The following CCDC138 variants were observed in gnomAD, a reference collection of about 807,000 sequenced individuals.
CCDC138 encodes coiled-coil domain-containing protein 138.
CCDC138 carries 66 observed loss-of-function variants against 82.3 expected under a neutral mutation model. That is an observed-to-expected ratio of 0.80 (90% CI 0.66 to 0.98). The LOEUF (loss-of-function observed/expected upper bound fraction) is 0.98, where lower values mean the gene tolerates loss of function less well. Among genes scored for constraint, CCDC138 ranks in the 50% least tolerant of loss-of-function variants. The pLI is 0.00. For missense variants in CCDC138, 816 were observed against 758.9 expected, an observed-to-expected ratio of 1.08 and a Z score of -0.88; for synonymous variants, 297 against 265.4, an observed-to-expected ratio of 1.12 and a Z score of -1.16.
At chr2:108,793,305 C>T (rs1460474433) in intron 4 of CCDC138, among the ~76,000 whole-genome samples, 1 of 151,370 alleles carries the variant, frequency 6.6e-6, no homozygotes, top group African/African-American at 2.4e-5. Context: ...TGCACTCCAG[C>T]CTGGGCGACA....
intron 11 of CCDC138, among the ~76,000 whole-genome samples, chr2:108,844,028 A>T (rs1690029791): frequency 6.8e-6 from 1 of 147,716 alleles, no homozygotes. Context: ...TACCTGGTTA[A>T]TTTTTTTTTG....
intron 7 of CCDC138, among the ~76,000 whole-genome samples, chr2:108,806,886 T>C (rs1454512618): frequency 6.6e-6 from 1 of 152,208 alleles, no homozygotes; most frequent in African/African-American, 2.4e-5. Flanking sequence ...CATAGGGAGA[T>C]AGTCCCAGTG....
intron 11 of CCDC138, among the ~76,000 whole-genome samples, chr2:108,842,184 C>T (rs1020030348): frequency 6.9e-6 from 1 of 145,574 alleles, no homozygotes. Context: ...TTCGCCACCA[C>T]ACCTGGCTAA....
intron 7 of CCDC138, among the ~76,000 whole-genome samples, chr2:108,807,584 C>T (rs1214477426): frequency 6.6e-6 from 1 of 152,082 alleles, no homozygotes; most frequent in Non-Finnish European, 1.5e-5. Flanking sequence ...TGCTATAAAG[C>T]TAGAACTTAT....
At chr2:108,852,923 A>G (rs1304052270) in intron 12 of CCDC138, among the ~76,000 whole-genome samples, 4 of 152,202 alleles carry the variant, frequency 2.6e-5, no homozygotes, top group African/African-American at 9.6e-5. Flanking sequence ...CCATTACAGA[A>G]GTAAAATGAG....
In CCDC138 at chr2:108,815,941, G is replaced by C; in HGVS notation, c.1042G>C (p.Val348Leu). Residue 348 changes from valine to leucine, a missense_variant and splice_region_variant, in exon 10 of 15, where the codon GTA becomes CTA. Coordinates refer to ENST00000295124, the MANE Select transcript of CCDC138 (RefSeq NM_144978.3). ...EKAPVSKTYK[V>L]PLNGQVYELL... ...AAATGATTTAATTTTTGACATATAGGTACCACTTAATGGGCAAGTTTATGA... is the reference window on the plus strand; with the variant it reads ...AAATGATTTAATTTTTGACATATAGCTACCACTTAATGGGCAAGTTTATGA... 6.2e-7 allele frequency: 1 copy of C among 1,602,954 alleles called. No individual in the cohort carries two copies.
intron 12 of CCDC138, among the ~76,000 whole-genome samples, chr2:108,855,682 C>T (rs914439843): frequency 1.1e-4 from 17 of 152,152 alleles, no homozygotes; most frequent in Non-Finnish European, 4.4e-5. Context: ...GATCCAGAGG[C>T]ACAGATCTTA....
intron 12 of CCDC138, among the ~76,000 whole-genome samples, chr2:108,853,386 CAA>C (rs931058793): frequency 7.9e-5 from 12 of 152,126 alleles, no homozygotes; most frequent in African/African-American, 2.9e-4. Context: ...ATGTCATTAA[CAA>C]TAAGTATGGA....
intron 12 of CCDC138, among the ~76,000 whole-genome samples, chr2:108,854,009 TA>T (rs1692134975): frequency 1.0e-5 from 1 of 98,694 alleles, no homozygotes; most frequent in Non-Finnish European, 2.0e-5. Context: ...ATATTATATA[TA>T]ATATATAATA....
At chr2:108,866,786 G>A (rs949498491) in intron 13 of CCDC138, among the ~76,000 whole-genome samples, 3 of 152,028 alleles carry the variant, frequency 2.0e-5, no homozygotes, top group African/African-American at 4.8e-5. Context: ...GGGAGACTGA[G>A]GCAGGAGAAT....
At position 108,788,862 on chromosome 2, in the gene CCDC138, T is replaced by A. The variant is rs778191021; in HGVS notation, c.162T>A (p.Asp54Glu). 7.6e-5 allele frequency: 123 copies of A among 1,614,008 alleles called. 1 individual carries two copies. Among genetic ancestry groups the A allele is most frequent in the Admixed American group, 2.2e-4 (13 of 60,010 alleles). The stretch of plus-strand genomic sequence containing the variant: ...CTTTGTCGTTGACAGGTGATTTGGA[T>A]ATCTACTCTGGAGATAAAGTTGGTT... ...RRTLTSPGDL[D>E]IYSGDKVGSS... Residue 54 changes from aspartate (D) to glutamate (E), a missense_variant, in exon 3 of 15, where the codon GAT becomes GAA. Transcript: ENST00000295124.
chr2:108,803,259 A>G (rs940075756), intron 6 of CCDC138, among the ~76,000 whole-genome samples: 4 of 152,108 alleles, frequency 2.6e-5, no homozygotes, highest in African/African-American at 7.2e-5. Flanking sequence ...GTTGAGCCCA[A>G]TTTGTACAGG....
intron 12 of CCDC138, among the ~76,000 whole-genome samples, chr2:108,851,927 A>G (rs1691578211): frequency 6.6e-6 from 1 of 152,206 alleles, no homozygotes; most frequent in Non-Finnish European, 1.5e-5. Flanking sequence ...AAAGGTAGAT[A>G]ATTGTGCCAA....
intron 10 of CCDC138, among the ~76,000 whole-genome samples, chr2:108,826,279 C>G (rs1686582263): frequency 6.6e-6 from 1 of 152,062 alleles, no homozygotes; most frequent in Non-Finnish European, 1.5e-5. Flanking sequence ...CCAATTTATG[C>G]TTTTTTCTTT....
intron 13 of CCDC138, among the ~76,000 whole-genome samples, chr2:108,871,269 A>G (rs759153587): frequency 3.3e-5 from 5 of 150,922 alleles, no homozygotes; most frequent in African/African-American, 4.9e-5. Flanking sequence ...GTGGTGTCTC[A>G]TGCCTGTAAT....
chr2:108,839,324 T>C (rs1194901057), intron 11 of CCDC138, 23 bp downstream of exon 11: 1 of 1,588,840 alleles, frequency 6.3e-7, no homozygotes, highest in Non-Finnish European at 8.6e-7. Context: ...TAGGAATTTA[T>C]CTATAAGTAA....
chr2:108,798,814 C>T (rs1041598726), intron 6 of CCDC138, among the ~76,000 whole-genome samples: 3 of 109,568 alleles, frequency 2.7e-5, no homozygotes, highest in African/African-American at 7.8e-5. Flanking sequence ...CCTCTCCACA[C>T]CTACACACAC....
rs112830270 is a variant in CCDC138 at position 108,876,165 on chromosome 2, A to G, written c.1910A>G (p.His637Arg). 1.6e-5 allele frequency: 25 copies of G among 1,612,710 alleles called. 1 individual carries two copies. The African/African-American group carries it at 1.9e-4, about 12-fold the overall frequency. Reference sequence around the variant, plus strand: ...ATACAAAGGACAACAAACCCAGAGCATGCATTTCTCTGTATTAATCTAAAT... The same window carrying G: ...ATACAAAGGACAACAAACCCAGAGCGTGCATTTCTCTGTATTAATCTAAAT... ...QEIQRTTNPEHAFLCINLNST... is the reference protein window; with the variant it reads ...QEIQRTTNPERAFLCINLNST... Residue 637 changes from histidine to arginine, a missense_variant, in exon 15 of 15, where the codon CAT becomes CGT. Coordinates refer to ENST00000295124, the MANE Select transcript of CCDC138 (RefSeq NM_144978.3).
chr2:108,849,568 C>T (rs1691089691), intron 12 of CCDC138, among the ~76,000 whole-genome samples: 1 of 152,140 alleles, frequency 6.6e-6, no homozygotes, highest in Non-Finnish European at 1.5e-5. Flanking sequence ...ACTCTCTAGT[C>T]TCCCTTCACA....
Sources: gnomAD v4.1 joint callset for allele counts (sites outside exome capture counted in the v4.1 genomes callset) on GRCh38, gnomAD v4.1.1 for gene constraint, MANE v1.5 for transcripts, NCBI Gene and HGNC (gene_info 2026-07-23, HGNC 2026-07-21) for gene names.